Variants in MUC20 observed in about 807,000 individuals in gnomAD.
MUC20 encodes mucin-20.
In MUC20, 14 loss-of-function variants were observed where a neutral mutation model predicts 23.8. The ratio of observed to expected loss-of-function variants is 0.59; its 90% CI spans 0.39 to 0.92. MUC20 has a LOEUF of 0.92. Ranked by LOEUF, MUC20 falls within the 40% of genes least tolerant of loss-of-function variation. The pLI is 0.00. For missense variants in MUC20, 375 were observed against 668.8 expected (o/e 0.56, Z 4.85); for synonymous variants, 166 against 279.3 (o/e 0.59, Z 4.04).
intron 3 of MUC20, among the ~76,000 whole-genome samples, chr3:195,732,334 T>TTCTTTTTCTTTC (rs113233054): frequency 6.6e-6 from 1 of 151,480 alleles, no homozygotes; most frequent in African/African-American, 2.4e-5. Context: ...CTTTTTCTTT[T>TTCTTTTTCTTTC]TCTTTTTCTT....
In MUC20 at chr3:195,726,361, T is replaced by G; in HGVS notation, c.1758T>G (p.Pro586=). Residue 586 remains proline (P), a synonymous_variant, in exon 2 of 4, where the codon CCT becomes CCG. Coordinates refer to ENST00000447234, the MANE Select transcript of MUC20 (RefSeq NM_001282506.2). ...AAGCCGCCCTCAAGAACTTCACCCC[T>G]TCAGAGACACCGACCATGGACATCG... ...PSEAALKNFT[P]SETPTMDIAT... is the part of the protein sequence containing the mutation. 6.2e-7 allele frequency: 1 copy of G among 1,613,996 alleles called. No homozygotes were observed. Among genetic ancestry groups the G allele is most frequent in the South Asian group, 1.1e-5 (1 of 91,078 alleles).
intron 2 of MUC20, among the ~76,000 whole-genome samples, chr3:195,728,090 T>C (rs9325437): frequency 0.18 from 26,613 of 148,412 alleles, 32 homozygotes; most frequent in East Asian, 0.42. Context: ...GCTAAACTGC[T>C]CTGGAAAGTG....
At chr3:195,726,601 G>A (rs4992495) in intron 2 of MUC20, 29 bp downstream of exon 2, 74,236 of 1,511,506 alleles carry the variant, frequency 0.049, 2 homozygotes, top group East Asian at 0.4. Context: ...TGATCTTCGG[G>A]GATTTGGGAT....
In MUC20 at chr3:195,726,539, G is replaced by A. The variant is rs1358913723; in HGVS notation, c.1936G>A (p.Ala646Thr). 6.2e-7 allele frequency: 1 copy of A among 1,613,940 alleles called. No homozygotes were observed. ...GCCCCCAACAGCCACGCCCACGACT[G>A]CCCGGACGAGGCCGACCACAGACGT... ...MKPPTATPTTARTRPTTDVSA... is the reference protein window; with the variant it reads ...MKPPTATPTTTRTRPTTDVSA... Residue 646 changes from alanine (A) to threonine (T), a missense_variant, in exon 2 of 4, where the codon GCC becomes ACC. Physicochemically the swap from Ala to Thr is moderately conservative, Grantham distance 58. Transcript: ENST00000447234.
In MUC20 at chr3:195,728,473, A is replaced by C. The variant is rs555715856; in HGVS notation, c.1970-1175A>C. Among the ~76,000 whole-genome samples, 4 of 152,406 alleles carry C rather than the reference A, an allele frequency of 2.6e-5. No homozygotes were observed. In the East Asian group the frequency reaches 7.7e-4, roughly 29 times the overall value. On this transcript the variant is annotated intron_variant, in intron 2 of 3. Transcript: ENST00000447234. ...CCACCCAAACATCTCAGCAGAGTAA[A>C]GAATAATAAAGCAGCATTGCTGCAA...
At chr3:195,732,254 C>A (rs1713467834) in intron 3 of MUC20, among the ~76,000 whole-genome samples, 1 of 152,244 alleles carries the variant, frequency 6.6e-6, no homozygotes, top group East Asian at 1.9e-4. Context: ...CATGATCCAC[C>A]CACCTCAGCC....
intron 3 of MUC20, among the ~76,000 whole-genome samples, chr3:195,732,828 C>T (rs892850458): frequency 6.6e-5 from 10 of 152,242 alleles, no homozygotes; most frequent in Admixed American, 5.2e-4. Context: ...AGTTTGGGCT[C>T]GGGGATTAGA....
At position 195,733,224 on chromosome 3, in the gene MUC20, A is replaced by T. The variant is rs1713582526; in HGVS notation, c.*6A>T. 2 of 1,585,174 alleles carry T rather than the reference A, an allele frequency of 1.3e-6. No individual in the cohort carries two copies. The highest frequency in any genetic ancestry group is 2.3e-5 in the South Asian group (2 of 85,910). ...TGCGTGTCAGGAGAGGCTAACGGAC[A>T]TCAGCTGCAGCCAGGCATGTCCCGT... On this transcript the variant is annotated 3_prime_UTR_variant, in exon 4 of 4. Coordinates refer to ENST00000447234, the MANE Select transcript of MUC20 (RefSeq NM_001282506.2).
rs1712389108 is a variant in MUC20, at chr3:195,724,083, G to A, written c.77-597G>A. On this transcript the variant is annotated intron_variant, in intron 1 of 3. Coordinates refer to ENST00000447234, the MANE Select transcript of MUC20 (RefSeq NM_001282506.2). ...TCAGCCCTCATTCAGGAGGGGCCTC[G>A]GCAGGGTGGGGGGTGCCGTCTTTCC... 2 of 41,236 alleles carry A rather than the reference G, an allele frequency of 4.9e-5. 1 individual carries two copies. The highest frequency in any genetic ancestry group is 9.2e-5 in the Non-Finnish European group (2 of 21,848). The allele number at this position is 41,236 out of a possible 1,614,324, so 2.6% of individuals were successfully genotyped here. A position where few individuals can be genotyped will look rare whatever the true frequency, so the allele number is the denominator to read the frequency against.
At chr3:195,732,288 C>T (rs372942981) in intron 3 of MUC20, among the ~76,000 whole-genome samples, 3 of 152,198 alleles carry the variant, frequency 2.0e-5, no homozygotes, top group Non-Finnish European at 2.9e-5. Context: ...GGATTACAGG[C>T]GTTGAGTCAT....
chr3:195,727,854 C>G lies in MUC20; in HGVS notation c.1969+1282C>G, dbSNP rs541612956. Among the ~76,000 whole-genome samples, 37 of 151,662 alleles carry G rather than the reference C, an allele frequency of 2.4e-4. No homozygotes were observed. In the East Asian group the frequency reaches 7.0e-3, roughly 29 times the overall value. ...CCGGCTTTGCATATGTTATCTGATG[C>G]CAGGCAGTGTACCACCAGCTTTGCA... On this transcript the variant is annotated intron_variant, in intron 2 of 3. Transcript: ENST00000447234.
intron 3 of MUC20, chr3:195,730,074 G>T: frequency 2.2e-5 from 3 of 139,288 alleles, no homozygotes; most frequent in Non-Finnish European, 3.9e-5. Flanking sequence ...GCAAGTGGCA[G>T]AAACCCAAGT....
chr3:195,732,229 T>C (rs1375375006), intron 3 of MUC20, among the ~76,000 whole-genome samples: 1 of 152,220 alleles, frequency 6.6e-6, no homozygotes, highest in African/African-American at 2.4e-5. Context: ...CAGGCTAGTC[T>C]TGAACTCTTG....
intron 2 of MUC20, among the ~76,000 whole-genome samples, chr3:195,728,863 T>C (rs1377436610): frequency 6.6e-6 from 1 of 152,010 alleles, no homozygotes; most frequent in Admixed American, 6.5e-5. Flanking sequence ...CTACCAAGTA[T>C]ACTGCTTGTA....
chr3:195,732,828 C>G (rs892850458), intron 3 of MUC20, among the ~76,000 whole-genome samples: 1 of 152,246 alleles, frequency 6.6e-6, no homozygotes, highest in Non-Finnish European at 1.5e-5. Context: ...AGTTTGGGCT[C>G]GGGGATTAGA....
At chr3:195,733,021 T>C (rs1247948106) in intron 3 of MUC20, 129 bp from the exon 4 acceptor site, 10 of 944,268 alleles carry the variant, frequency 1.1e-5, no homozygotes, top group Middle Eastern at 5.2e-4. Flanking sequence ...GTGTCCAGCA[T>C]GTAGGAGGCC....
chr3:195,733,039 G>T, intron 3 of MUC20, 111 bp from the exon 4 acceptor site: 1 of 1,184,594 alleles, frequency 8.4e-7, no homozygotes, highest in Non-Finnish European at 1.2e-6. Context: ...GCCCAGGAAG[G>T]GTTGCCGTCC....
chr3:195,723,184 C>G (rs1312291632), intron 1 of MUC20, among the ~76,000 whole-genome samples: 1 of 150,666 alleles, frequency 6.6e-6, no homozygotes, highest in Non-Finnish European at 1.5e-5. Context: ...TCGTGGGCGG[C>G]ACAGCGGGAG....
At position 195,725,910 on chromosome 3, in the gene MUC20, T is replaced by C. The variant is rs1712573840; in HGVS notation, c.1307T>C (p.Ile436Thr). ...GAAATAGAAACAACGACTTCCAGCA[T>C]CCCTGGGGCCTCAGACACAGATCTC... ...ITEIETTTSSIPGASDTDLIP... is the reference protein window; with the variant it reads ...ITEIETTTSSTPGASDTDLIP... Residue 436 changes from isoleucine to threonine, a missense_variant, in exon 2 of 4, where the codon ATC (isoleucine) becomes ACC (threonine). By Grantham distance (89) the Ile-to-Thr change is moderately conservative (BLOSUM62 -1). Around this residue, in one of 4 missense-constraint regions of MUC20, gnomAD observed 17 missense variants for 71.0 expected, o/e 0.24. Coordinates refer to ENST00000447234, the MANE Select transcript of MUC20 (RefSeq NM_001282506.2). 6.2e-7 allele frequency: 1 copy of C among 1,612,658 alleles called. No homozygotes were observed. Among genetic ancestry groups the C allele is most frequent in the African/African-American group, 1.3e-5 (1 of 74,778 alleles).
Sources: allele counts gnomAD v4.1 joint callset (sites outside exome capture counted in the v4.1 genomes callset), GRCh38; gene constraint gnomAD v4.1.1; regional missense constraint gnomAD v4.1.1; transcripts MANE v1.5; gene names NCBI Gene and HGNC (gene_info 2026-07-23, HGNC 2026-07-21).